Variants in TSHR observed in about 807,000 individuals in gnomAD.
TSHR encodes thyrotropin receptor.
Under a neutral mutation model 64.1 loss-of-function variants are expected in TSHR, and 51 were observed. That is an observed-to-expected ratio of 0.80 (90% CI 0.64 to 1.01). The LOEUF (loss-of-function observed/expected upper bound fraction) is 1.01, where lower values mean the gene tolerates loss of function less well. Among genes scored for constraint, TSHR ranks in the 50% least tolerant of loss-of-function variants. The pLI is 0.00. For synonymous variants in TSHR, 361 were observed against 361.9 expected, an observed-to-expected ratio of 1.00 and a Z score of 0.03; for missense variants, 877 against 942.8, an observed-to-expected ratio of 0.93 and a Z score of 0.91.
At chr14:81,039,384 T>C (rs1884812499) in intron 1 of TSHR, among the ~76,000 whole-genome samples, 1 of 151,982 alleles carries the variant, frequency 6.6e-6, no homozygotes, top group South Asian at 2.1e-4. Context: ...GCTAACATCA[T>C]ACTGAACACG....
At chr14:81,087,405 T>C (rs1447443809) in intron 3 of TSHR, 1 of 177,540 alleles carries the variant, frequency 5.6e-6, no homozygotes, top group Non-Finnish European at 1.2e-5. Flanking sequence ...GCACTATACA[T>C]GCAGAAGTGT....
At position 80,955,685 on chromosome 14, in the gene TSHR, G is replaced by A. The variant is rs939356195; in HGVS notation, c.5G>A (p.Arg2Lys). M[R>K]PADLLQLVLL... ...TAGCCCCGAGTCCCGTGGAAAATGA[G>A]GCCGGCGGACTTGCTGCAGCTGGTG... Residue 2 changes from arginine to lysine, a missense_variant, in exon 1 of 10, where the codon AGG (arginine) becomes AAG (lysine). By Grantham distance (26) the Arg-to-Lys change is conservative. Coordinates refer to ENST00000298171, the MANE Select transcript of TSHR (RefSeq NM_000369.5). The A allele has an allele frequency of 1.9e-6, 3 of 1,613,860 alleles. No individual in the cohort carries two copies. The highest frequency in any genetic ancestry group is 2.5e-6 in the Non-Finnish European group (3 of 1,179,976).
chr14:81,096,506 G>T, intron 6 of TSHR, 133 bp from the exon 7 acceptor site: 1 of 815,384 alleles, frequency 1.2e-6, no homozygotes, highest in Non-Finnish European at 2.0e-6. Context: ...GTTTTCTTGT[G>T]GGATACATAT....
At chr14:81,054,669 C>A (rs992243415) in intron 1 of TSHR, among the ~76,000 whole-genome samples, 6 of 152,098 alleles carry the variant, frequency 3.9e-5, no homozygotes, top group Non-Finnish European at 7.3e-5. Context: ...AAGAGACTGG[C>A]AGCATTTTGC....
At chr14:81,027,797 G>A (rs1884145744) in intron 1 of TSHR, among the ~76,000 whole-genome samples, 1 of 151,994 alleles carries the variant, frequency 6.6e-6, no homozygotes, top group African/African-American at 2.4e-5. Flanking sequence ...AGGAAATTAG[G>A]GTGTGCAGAA....
intron 1 of TSHR, among the ~76,000 whole-genome samples, chr14:81,033,646 C>T (rs1594978193): frequency 1.4e-5 from 2 of 141,754 alleles, no homozygotes; most frequent in Admixed American, 1.4e-4. Flanking sequence ...ATGTACAATT[C>T]TCTTTATCTT....
chr14:81,135,100 G>GAATATA (rs1891400658), intron 8 of TSHR, among the ~76,000 whole-genome samples: 1 of 152,148 alleles, frequency 6.6e-6, no homozygotes, highest in Non-Finnish European at 1.5e-5. Context: ...GCCAGCTAAA[G>GAATATA]TACCAATTGA....
chr14:81,073,077 C>A (rs542969900), intron 3 of TSHR, among the ~76,000 whole-genome samples: 96 of 130,880 alleles, frequency 7.3e-4, no homozygotes, highest in Non-Finnish European at 1.2e-3. Flanking sequence ...TAAAAGAAAA[C>A]TGATGTAAAT....
intron 1 of TSHR, among the ~76,000 whole-genome samples, chr14:80,979,371 AG>A (rs1252466972): frequency 6.6e-6 from 1 of 152,102 alleles, no homozygotes; most frequent in African/African-American, 2.4e-5. Context: ...TGCAGAGGGT[AG>A]GGGGAGGAAG....
intron 1 of TSHR, chr14:80,982,002 G>T: frequency 2.8e-6 from 1 of 363,602 alleles, no homozygotes; most frequent in South Asian, 4.1e-5. Flanking sequence ...CTGGGACTAA[G>T]AATAAGACAA....
chr14:80,977,735 G>T (rs977826650), intron 1 of TSHR, among the ~76,000 whole-genome samples: 7 of 152,206 alleles, frequency 4.6e-5, no homozygotes, highest in African/African-American at 1.4e-4. Context: ...TCCTGCTCAG[G>T]CCCTATTCCA....
intron 1 of TSHR, among the ~76,000 whole-genome samples, chr14:80,974,498 A>T (rs552260816): frequency 6.6e-6 from 1 of 152,278 alleles, no homozygotes; most frequent in East Asian, 1.9e-4. Context: ...GCCCATATTT[A>T]ATGCTTGGTT....
intron 1 of TSHR, among the ~76,000 whole-genome samples, chr14:81,040,817 G>C (rs1412767750): frequency 6.6e-6 from 1 of 151,756 alleles, no homozygotes; most frequent in African/African-American, 2.4e-5. Context: ...CAAATTTACA[G>C]GAAAACAACA....
At chr14:81,009,425 C>A (rs1889791199) in intron 1 of TSHR, among the ~76,000 whole-genome samples, 1 of 139,298 alleles carries the variant, frequency 7.2e-6, no homozygotes, top group Non-Finnish European at 1.6e-5. Flanking sequence ...CGCCCACCTC[C>A]AGGAAAAGTA....
intron 2 of TSHR, among the ~76,000 whole-genome samples, chr14:81,063,017 T>C (rs1886351589): frequency 6.6e-6 from 1 of 152,138 alleles, no homozygotes; most frequent in African/African-American, 2.4e-5. Context: ...GGGCTGCTAC[T>C]GGCACCTAGT....
chr14:80,987,591 G>C (rs1177499619), intron 1 of TSHR, among the ~76,000 whole-genome samples: 1 of 152,140 alleles, frequency 6.6e-6, no homozygotes, highest in Non-Finnish European at 1.5e-5. Flanking sequence ...ATCAGGTCAC[G>C]CAGCTCTGAA....
chr14:80,997,744 A>T (rs910899851), intron 1 of TSHR, among the ~76,000 whole-genome samples: 3 of 152,206 alleles, frequency 2.0e-5, no homozygotes, highest in Non-Finnish European at 2.9e-5. Context: ...GTTCTATTGT[A>T]AGATTATCCT....
rs773335213 is a variant in TSHR, at chr14:81,143,963, A to G, written c.1905A>G (p.Ile635Met). 1.1e-5 allele frequency: 17 copies of G among 1,614,072 alleles called. No individual in the cohort carries two copies. Among genetic ancestry groups the G allele is most frequent in the Non-Finnish European group, 3.4e-6 (4 of 1,180,044 alleles). ...CTGTGTTGATCTTCACCGACTTCATATGCATGGCCCCAATCTCATTCTATG... is the reference window on the plus strand; with the variant it reads ...CTGTGTTGATCTTCACCGACTTCATGTGCATGGCCCCAATCTCATTCTATG... Reference protein sequence around the residue: ...RMAVLIFTDFICMAPISFYAL... With the variant: ...RMAVLIFTDFMCMAPISFYAL... Residue 635 changes from isoleucine to methionine, a missense_variant, in exon 10 of 10, where the codon ATA becomes ATG. By Grantham distance (10) the Ile-to-Met change is conservative. Transcript: ENST00000298171.
intron 7 of TSHR, among the ~76,000 whole-genome samples, chr14:81,098,693 T>A (rs548797584): frequency 1.3e-5 from 2 of 152,274 alleles, no homozygotes; most frequent in South Asian, 4.1e-4. Flanking sequence ...AGACTCACAT[T>A]AGCAGGGGCA....
Sources: gnomAD v4.1 joint callset for allele counts (sites outside exome capture counted in the v4.1 genomes callset) on GRCh38, gnomAD v4.1.1 for gene constraint, MANE v1.5 for transcripts, NCBI Gene and HGNC (gene_info 2026-07-23, HGNC 2026-07-21) for gene names.